TMLHE: variants seen among roughly 807,000 people sequenced by gnomAD.
TMLHE encodes trimethyllysine hydroxylase, epsilon.
Under a neutral mutation model 25.7 loss-of-function variants are expected in TMLHE, and 18 were observed. That is an observed-to-expected ratio of 0.70 (90% confidence interval 0.48 to 1.04). TMLHE has a LOEUF of 1.04. Among genes scored for constraint, TMLHE ranks in the 50% least tolerant of loss-of-function variants. The pLI is 0.00. For missense variants in TMLHE, 236 were observed against 259.0 expected, an observed-to-expected ratio of 0.91 and a Z score of 0.61; for synonymous variants, 105 against 97.0, an observed-to-expected ratio of 1.08 and a Z score of -0.49.
At chrX:155,601,091 T>G (rs1209557143) in intron 1 of TMLHE, among the ~76,000 whole-genome samples, 1 of 111,889 alleles carries the variant, frequency 8.9e-6, no homozygotes, top group African/African-American at 3.3e-5. Flanking sequence ...CAAGTAAGAA[T>G]TCTATATCCA....
At chrX:155,525,358 T>G (rs2067213214) in intron 2 of TMLHE, among the ~76,000 whole-genome samples, 1 of 112,030 alleles carries the variant, frequency 8.9e-6, no homozygotes, top group Admixed American at 9.4e-5. Flanking sequence ...CCTTCCACCA[T>G]GATTGTAAGT....
chrX:155,548,602 GCACA>G (rs1169703340), intron 1 of TMLHE, among the ~76,000 whole-genome samples: 5 of 108,576 alleles, frequency 4.6e-5, no homozygotes, highest in African/African-American at 1.4e-4. Flanking sequence ...GGGTGTGGTG[GCACA>G]CACCTGTATT....
At chrX:155,550,799 T>G (rs1446927426) in intron 1 of TMLHE, among the ~76,000 whole-genome samples, 1 of 110,528 alleles carries the variant, frequency 9.0e-6, no homozygotes, top group Non-Finnish European at 1.9e-5. Flanking sequence ...GAGACTGTGA[T>G]TAAATATTTT....
At chrX:155,545,058 C>G in intron 2 of TMLHE, 38 bp downstream of exon 2, 1 of 1,183,840 alleles carries the variant, frequency 8.4e-7, no homozygotes. Context: ...TTTCTTACCA[C>G]AAGTTTTAAA....
intron 2 of TMLHE, among the ~76,000 whole-genome samples, chrX:155,536,592 T>C (rs1557337651): frequency 8.9e-6 from 1 of 111,757 alleles, no homozygotes; most frequent in Non-Finnish European, 1.9e-5. Flanking sequence ...ACTTGTAACT[T>C]TTCTCCTTGA....
chrX:155,555,556 T>G (rs2124436579), intron 1 of TMLHE, among the ~76,000 whole-genome samples: 1 of 111,044 alleles, frequency 9.0e-6, no homozygotes, highest in East Asian at 2.8e-4. Context: ...CCTGACTTTT[T>G]AATGATCGCC....
At chrX:155,603,369 T>TGAATGAAAGAAAGAAAGAAA (rs1341300723) in intron 1 of TMLHE, among the ~76,000 whole-genome samples, 38 of 99,307 alleles carry the variant, frequency 3.8e-4, no homozygotes, top group African/African-American at 1.4e-3. Context: ...AAAGAAAGAA[T>TGAATGAAAGAAAGAAAGAAA]GAAAGAAAGA....
chrX:155,600,111 G>T, intron 1 of TMLHE, among the ~76,000 whole-genome samples: 1 of 111,631 alleles, frequency 9.0e-6, no homozygotes. Context: ...AATTTTCTAG[G>T]AGTAAATCTA....
At chrX:155,508,865 A>C (rs2067091150) in intron 5 of TMLHE, among the ~76,000 whole-genome samples, 1 of 111,022 alleles carries the variant, frequency 9.0e-6, no homozygotes, top group African/African-American at 3.3e-5. Flanking sequence ...GAATGTAGCT[A>C]TTATTCTTTT....
Position 155,524,545 on chromosome X carries a change from G to T in TMLHE, c.269C>A (p.Thr90Asn). Residue 90 changes from threonine (T) to asparagine (N), a missense_variant, in exon 3 of 8, where the codon ACT becomes AAT. Physicochemically the swap from Thr to Asn is moderately conservative, Grantham distance 65 (BLOSUM62 0). Coordinates refer to ENST00000334398, the MANE Select transcript of TMLHE (RefSeq NM_018196.4). Reference protein sequence around the residue: ...CRSASCYNSKTHQRSLDTASV... With the variant: ...CRSASCYNSKNHQRSLDTASV... ...GGCAGTATCCAGGCTGCGCTGGTGAGTCTTAGAGTTGTAGCACGATGCTGA... is the reference window on the plus strand; with the variant it reads ...GGCAGTATCCAGGCTGCGCTGGTGATTCTTAGAGTTGTAGCACGATGCTGA... 8.3e-7 allele frequency: 1 copy of T among 1,209,923 alleles called. No homozygotes were observed. Among genetic ancestry groups the T allele is most frequent in the Non-Finnish European group, 1.1e-6 (1 of 894,520 alleles).
At chrX:155,518,674 A>G (rs2067173321) in intron 3 of TMLHE, among the ~76,000 whole-genome samples, 1 of 85,045 alleles carries the variant, frequency 1.2e-5, no homozygotes, top group Admixed American at 1.4e-4. Context: ...TTGGTAAGCT[A>G]TTGATTATTG....
At chrX:155,511,645 T>C in intron 5 of TMLHE, 28 bp downstream of exon 5, 1 of 1,175,551 alleles carries the variant, frequency 8.5e-7, no homozygotes, top group Non-Finnish European at 1.1e-6. Flanking sequence ...TATAAAGACT[T>C]TACACTGTAA....
intron 1 of TMLHE, among the ~76,000 whole-genome samples, chrX:155,556,783 G>T (rs1288303454): frequency 9.0e-6 from 1 of 110,754 alleles, no homozygotes; most frequent in Non-Finnish European, 1.9e-5. Flanking sequence ...GCCTGGGAGC[G>T]CTATGGGAGA....
In TMLHE at chrX:155,545,218, C is replaced by G. The variant is rs782754997; in HGVS notation, c.59G>C (p.Gly20Ala). The stretch of plus-strand genomic sequence containing the variant: ...CTGTGGAAGGGCCGGATATATGACT[C>G]CTCCCTTCAGCAAGTCCTGAAGCCT... ...HSRLQDLLKG[G>A]VIYPALPQPN... The change falls in exon 2 of 8, where the codon GGA becomes GCA. Residue 20 changes from glycine (G) to alanine (A), a missense_variant. Around this residue, in one of 2 missense-constraint regions of TMLHE, gnomAD observed 217 missense variants for 214.6 expected, o/e 1.01. Transcript: ENST00000334398. 2.5e-6 allele frequency: 3 copies of G among 1,209,297 alleles called. No individual in the cohort carries two copies. The South Asian group carries it at 5.3e-5, about 21-fold the overall frequency.
Position 155,506,903 on chromosome X carries a change from C to G in TMLHE, c.990G>C (p.Leu330Phe). ...GATAGTTCTTTGATACTCACCTGAT[C>G]AAATACAGCTCTTTATTCCATGGGT... is the stretch of plus-strand genomic sequence containing the variant. Reference protein sequence around the residue: ...NIYPWNKELYLIRYNNYDRAV... With the variant: ...NIYPWNKELYFIRYNNYDRAV... Residue 330 changes from leucine to phenylalanine, a missense_variant, in exon 6 of 8, where the codon TTG becomes TTC. Transcript: ENST00000334398. 8.3e-7 allele frequency: 1 copy of G among 1,205,657 alleles called. No homozygotes were observed. The highest frequency in any genetic ancestry group is 1.1e-6 in the Non-Finnish European group (1 of 890,454).
intron 4 of TMLHE, 136 bp from the exon 5 acceptor site, chrX:155,511,928 G>T (rs1603016685): frequency 1.6e-6 from 1 of 609,074 alleles, no homozygotes; most frequent in African/African-American, 2.2e-5. Context: ...TAATCCATAA[G>T]GTGAAAATGA....
intron 1 of TMLHE, among the ~76,000 whole-genome samples, chrX:155,546,219 C>T (rs2067343861): frequency 9.0e-6 from 1 of 111,697 alleles, no homozygotes; most frequent in Non-Finnish European, 1.9e-5. Flanking sequence ...ACTGCTATTA[C>T]TATCGTTATT....
rs1389038265 is a variant in TMLHE, at chrX:155,571,406, C to T, written c.-1-26129G>A. 6.5e-4 allele frequency among the ~76,000 whole-genome samples: 36 copies of T among 55,701 alleles called. 11 individuals carry two copies. The highest frequency in any genetic ancestry group is 1.4e-3 in the Non-Finnish European group (31 of 21,597). The allele number at this position is 55,701 out of a possible 115,157, so 48.4% of individuals were successfully genotyped here. On this transcript the variant is annotated intron_variant, in intron 1 of 7. Coordinates refer to ENST00000334398, the MANE Select transcript of TMLHE (RefSeq NM_018196.4). ...TCACAGCCGAATTCTACCAGAGGTACAAGGAGGAACTGGTACTATTCCTTC... is the reference window on the plus strand; with the variant it reads ...TCACAGCCGAATTCTACCAGAGGTATAAGGAGGAACTGGTACTATTCCTTC...
chrX:155,548,294 C>G lies in TMLHE; in HGVS notation c.-1-3017G>C, dbSNP rs868911665. ...ACTGTACATCAAAGGATACAACCAA[C>G]AAAGTGAAGGGACAACCTGGAGAAT... On this transcript the variant is annotated intron_variant, in intron 1 of 7. Transcript: ENST00000334398. Among the ~76,000 whole-genome samples, 21 of 111,950 alleles carry G rather than the reference C, an allele frequency of 1.9e-4. 1 individual carries two copies. The highest frequency in any genetic ancestry group is 5.5e-4 in the African/African-American group (17 of 30,914).
Sources: gnomAD v4.1 joint callset for allele counts (sites outside exome capture counted in the v4.1 genomes callset) on GRCh38, gnomAD v4.1.1 for gene constraint, gnomAD v4.1.1 regional missense constraint, MANE v1.5 for transcripts, NCBI Gene and HGNC (gene_info 2026-07-23, HGNC 2026-07-21) for gene names.